The following ZNF541 variants were observed in gnomAD, a reference collection of about 807,000 sequenced individuals.
ZNF541 encodes the protein zinc finger protein 541.
Under a neutral mutation model 123.5 loss-of-function variants are expected in ZNF541, and 23 were observed. That is an observed-to-expected ratio of 0.19 (90% CI 0.13 to 0.26). The LOEUF is 0.26. ZNF541 is among the 10% of genes least tolerant of loss of function. The probability of loss-of-function intolerance (pLI) is 1.00; values close to 1 mark genes in which losing one functional copy is unlikely to be tolerated. For synonymous variants in ZNF541, 751 were observed against 754.5 expected, an observed-to-expected ratio of 1.00 and a Z score of 0.08; for missense variants, 1,612 against 1,789.9, an observed-to-expected ratio of 0.90 and a Z score of 1.79.
intron 2 of ZNF541, among the ~76,000 whole-genome samples, chr19:47,558,840 G>A (rs538942337): frequency 6.5e-4 from 99 of 151,504 alleles, no homozygotes; most frequent in African/African-American, 2.3e-3. Context: ...CACCTCCCAG[G>A]TTCACGCCAT....
chr19:47,543,500 TAAAGG>T (rs1970170755), intron 5 of ZNF541, among the ~76,000 whole-genome samples: 2 of 151,800 alleles, frequency 1.3e-5, no homozygotes, highest in South Asian at 4.1e-4. Flanking sequence ...CAGGAATCTT[TAAAGG>T]AAAGAGAGCA....
At position 47,521,241 on chromosome 19, in the gene ZNF541, C is replaced by T. The variant is rs1477411458; in HGVS notation, c.4024G>A (p.Gly1342Ser). 1.2e-5 allele frequency: 19 copies of T among 1,551,508 alleles called. No individual in the cohort carries two copies. The highest frequency in any genetic ancestry group is 5.9e-5 in the South Asian group (5 of 84,062). ...CACGGGAGTCACCACTGCAGGGGGC[C>T]GATGTCAGCTCCCAGCTCCTCTTCC... ...LKEEELGADI[G>S]PLQW Residue 1342 changes from glycine to serine, a missense_variant, in exon 17 of 17, where the codon GGC (glycine) becomes AGC (serine). Physicochemically the swap from Gly to Ser is moderately conservative, Grantham distance 56. Transcript: ENST00000391901. This position sits in a 1 kb window ranked among gnomAD's most constrained non-coding sequence, Gnocchi z 4.2.
rs1170785481 is a variant in ZNF541 at position 47,544,441 on chromosome 19, T to C, written c.2088A>G (p.Thr696=). Residue 696 remains threonine (T), a synonymous_variant, in exon 5 of 17, where the codon ACA becomes ACG. Transcript: ENST00000391901. ...CACCTAACTGGGTCTGCCGTTGGCC[T>C]GTGGAGGGGAAGATGTCCTCCAGGT... ...TLDLEDIFPS[T]GQRQTQLGGE... 1.3e-6 allele frequency: 2 copies of C among 1,551,638 alleles called. No individual in the cohort carries two copies. Among genetic ancestry groups the C allele is most frequent in the East Asian group, 2.4e-5 (1 of 40,910 alleles).
intron 4 of ZNF541, among the ~76,000 whole-genome samples, chr19:47,548,765 C>T (rs867839259): frequency 2.0e-5 from 3 of 152,130 alleles, no homozygotes; most frequent in South Asian, 2.1e-4. Context: ...CTCTTCCCTG[C>T]GCTCTGATGG....
Position 47,544,545 on chromosome 19 carries a change from C to A in ZNF541, c.1984G>T (p.Ala662Ser), listed in dbSNP as rs1970229810. Reference sequence around the variant, plus strand: ...TTCCTGGAAGGGTCCAGAGACGGTGCTGCAAGGGGCGTTGGAACCGCGGCC... The same window carrying A: ...TTCCTGGAAGGGTCCAGAGACGGTGATGCAAGGGGCGTTGGAACCGCGGCC... ...KVAAVPTPLA[A>S]PSLDPSRNPD... The change falls in exon 5 of 17, where the codon GCA (alanine) becomes TCA (serine). Residue 662 changes from alanine to serine, a missense_variant. Ala to Ser is a moderately conservative substitution (Grantham distance 99, BLOSUM62 1). Coordinates refer to ENST00000391901, the MANE Select transcript of ZNF541 (RefSeq NM_001277075.3). 7.7e-6 allele frequency: 12 copies of A among 1,551,616 alleles called. No homozygotes were observed. The highest frequency in any genetic ancestry group is 9.6e-6 in the Non-Finnish European group (11 of 1,146,986).
chr19:47,561,235 C>T (rs931531192), intron 2 of ZNF541, among the ~76,000 whole-genome samples: 2 of 151,802 alleles, frequency 1.3e-5, no homozygotes, highest in African/African-American at 2.4e-5. Context: ...GCACTTTGGC[C>T]CAGGAGTTTG....
At chr19:47,538,093 C>G (rs1238362479) in intron 9 of ZNF541, 49 bp downstream of exon 9, 3 of 1,542,948 alleles carry the variant, frequency 1.9e-6, no homozygotes, top group Admixed American at 3.9e-5. Context: ...CTGTGGTCCG[C>G]AGGCAATCCA....
At position 47,555,705 on chromosome 19, in the gene ZNF541, C is replaced by T. The variant is rs1313595225; in HGVS notation, c.152G>A (p.Gly51Asp). Reference protein sequence around the residue: ...TRGFLYAGLSGLDPDPSLPTP... With the variant: ...TRGFLYAGLSDLDPDPSLPTP... ...TGGGAGGCTGGGGTCCGGGTCCAGACCACTCAGGCCAGCATAAAGAAAGCC... is the reference window on the plus strand; with the variant it reads ...TGGGAGGCTGGGGTCCGGGTCCAGATCACTCAGGCCAGCATAAAGAAAGCC... The change falls in exon 3 of 17, where the codon GGT becomes GAT. Residue 51 changes from glycine to aspartate, a missense_variant. Transcript: ENST00000391901. 6.4e-7 allele frequency: 1 copy of T among 1,551,718 alleles called. No homozygotes were observed. Among genetic ancestry groups the T allele is most frequent in the Non-Finnish European group, 8.7e-7 (1 of 1,147,000 alleles).
At chr19:47,537,909 C>G (rs894589030) in intron 9 of ZNF541, among the ~76,000 whole-genome samples, 2 of 152,074 alleles carry the variant, frequency 1.3e-5, no homozygotes, top group African/African-American at 4.8e-5. Flanking sequence ...GAAGGGCAGG[C>G]AGAAGCATGG....
At chr19:47,561,113 A>G (rs1316119361) in intron 2 of ZNF541, among the ~76,000 whole-genome samples, 2 of 152,212 alleles carry the variant, frequency 1.3e-5, no homozygotes, top group Non-Finnish European at 2.9e-5. Flanking sequence ...ACTATTTTGC[A>G]TGATAATCTA....
At chr19:47,568,185 T>C (rs1971339620) in intron 2 of ZNF541, among the ~76,000 whole-genome samples, 1 of 152,068 alleles carries the variant, frequency 6.6e-6, no homozygotes, top group Non-Finnish European at 1.5e-5. Context: ...ACCACTGTTC[T>C]GCCACCACAC....
At chr19:47,536,378 T>C (rs1227832848) in intron 9 of ZNF541, among the ~76,000 whole-genome samples, 1 of 152,214 alleles carries the variant, frequency 6.6e-6, no homozygotes, top group Non-Finnish European at 1.5e-5. Context: ...GCCAGGATTA[T>C]AGGCACCCGC....
chr19:47,536,504 C>T (rs1969827896), intron 9 of ZNF541, among the ~76,000 whole-genome samples: 1 of 152,174 alleles, frequency 6.6e-6, no homozygotes, highest in Non-Finnish European at 1.5e-5. Flanking sequence ...TCCCAAAGTG[C>T]TAGGATTACA....
At chr19:47,548,597 G>A (rs1970464998) in intron 4 of ZNF541, among the ~76,000 whole-genome samples, 1 of 152,140 alleles carries the variant, frequency 6.6e-6, no homozygotes, top group African/African-American at 2.4e-5. Flanking sequence ...CAGAGACTCA[G>A]GACATAGCTC....
At chr19:47,554,357 G>C (rs992835788) in intron 3 of ZNF541, among the ~76,000 whole-genome samples, 2 of 152,144 alleles carry the variant, frequency 1.3e-5, no homozygotes, top group South Asian at 4.1e-4. Context: ...CTTGAACCTG[G>C]GAGGCAGAGG....
At chr19:47,540,508 C>T (rs1970037143) in intron 6 of ZNF541, among the ~76,000 whole-genome samples, 173 bp from the exon 7 acceptor site, 1 of 151,458 alleles carries the variant, frequency 6.6e-6, no homozygotes, top group African/African-American at 2.4e-5. Flanking sequence ...GGCACCATCT[C>T]GGCTCACTGT....
chr19:47,556,801 A>G (rs1392737115), intron 2 of ZNF541, among the ~76,000 whole-genome samples: 3 of 141,316 alleles, frequency 2.1e-5, no homozygotes, highest in Admixed American at 7.5e-5. Context: ...TCTGTCGCCC[A>G]GGCTGGAGTG....
chr19:47,557,804 C>T (rs1970885005), intron 2 of ZNF541, among the ~76,000 whole-genome samples: 1 of 151,598 alleles, frequency 6.6e-6, no homozygotes, highest in Admixed American at 6.6e-5. Flanking sequence ...TAAGAATCTA[C>T]CTTACAGACC....
intron 2 of ZNF541, among the ~76,000 whole-genome samples, chr19:47,570,371 A>G (rs1971431622): frequency 6.6e-6 from 1 of 151,786 alleles, no homozygotes; most frequent in Non-Finnish European, 1.5e-5. Context: ...GGAGGCCAGG[A>G]GTTTGAGACC....
Sources: allele counts gnomAD v4.1 joint callset (sites outside exome capture counted in the v4.1 genomes callset), GRCh38; gene constraint gnomAD v4.1.1; non-coding constraint Gnocchi (gnomAD v3.1); transcripts MANE v1.5; gene names NCBI Gene and HGNC (gene_info 2026-07-23, HGNC 2026-07-21).